The following STXBP5L variants were observed in gnomAD, a reference collection of about 807,000 sequenced individuals.
STXBP5L encodes syntaxin-binding protein 5-like.
In STXBP5L, 65 loss-of-function variants were observed where a neutral mutation model predicts 144.5. The ratio of observed to expected loss-of-function variants is 0.45; its 90% CI spans 0.37 to 0.55. The LOEUF (loss-of-function observed/expected upper bound fraction) is 0.55, where lower values mean the gene tolerates loss of function less well. Among genes scored for constraint, STXBP5L ranks in the 20% least tolerant of loss-of-function variants. The probability of loss-of-function intolerance (pLI) is 0.00; values close to 1 mark genes in which losing one functional copy is unlikely to be tolerated. For synonymous variants in STXBP5L, 505 were observed against 469.6 expected, an observed-to-expected ratio of 1.08 and a Z score of -0.97; for missense variants, 1,298 against 1,405.5, an observed-to-expected ratio of 0.92 and a Z score of 1.22.
chr3:120,919,880 A>G (rs1709277893), intron 2 of STXBP5L, among the ~76,000 whole-genome samples: 1 of 151,586 alleles, frequency 6.6e-6, no homozygotes, highest in South Asian at 2.1e-4. Context: ...ACTCCCTCTT[A>G]TTCTTTTTTC....
At chr3:121,086,275 T>A (rs1433120491) in intron 5 of STXBP5L, among the ~76,000 whole-genome samples, 1 of 152,140 alleles carries the variant, frequency 6.6e-6, no homozygotes, top group Non-Finnish European at 1.5e-5. Flanking sequence ...TTTATTCAGT[T>A]CATTATATTT....
At chr3:121,338,149 G>C (rs542416547) in intron 20 of STXBP5L, among the ~76,000 whole-genome samples, 15 of 152,160 alleles carry the variant, frequency 9.9e-5, no homozygotes, top group African/African-American at 2.9e-4. Flanking sequence ...CAAGGAACCA[G>C]AGAAGCAAGA....
intron 20 of STXBP5L, among the ~76,000 whole-genome samples, chr3:121,368,463 C>T (rs1227344471): frequency 1.3e-5 from 2 of 151,590 alleles, no homozygotes; most frequent in African/African-American, 4.9e-5. Context: ...GTAGGTCTAC[C>T]CTCAGGACTT....
rs138322179 is a variant in STXBP5L at position 120,953,055 on chromosome 3, C to A, written c.190-1885C>A. ...GCTCAAGTGATCCACCTGCCTTGACCTCCCAAAGTGCTGGGATTACAGGTG... is the reference window on the plus strand; with the variant it reads ...GCTCAAGTGATCCACCTGCCTTGACATCCCAAAGTGCTGGGATTACAGGTG... On this transcript the variant is annotated intron_variant, in intron 2 of 26. Transcript: ENST00000471454. Among the ~76,000 whole-genome samples the A allele has an allele frequency of 3.8e-3, 573 of 152,052 alleles. 4 individuals carry two copies. The highest frequency in any genetic ancestry group is 6.8e-3 in the Middle Eastern group (2 of 294).
chr3:121,063,922 T>C (rs1327079440), intron 5 of STXBP5L, among the ~76,000 whole-genome samples: 2 of 152,136 alleles, frequency 1.3e-5, no homozygotes, highest in Non-Finnish European at 2.9e-5. Context: ...CTTAGCTTGC[T>C]GTGCTCGGTG....
chr3:121,045,673 G>A, intron 5 of STXBP5L, 138 bp downstream of exon 5: 1 of 777,054 alleles, frequency 1.3e-6, no homozygotes, highest in East Asian at 2.6e-5. Context: ...TACTTTCATA[G>A]TGTTTTCTTT....
At chr3:121,039,689 GA>G (rs1947011415) in intron 3 of STXBP5L, among the ~76,000 whole-genome samples, 1 of 151,604 alleles carries the variant, frequency 6.6e-6, no homozygotes, top group South Asian at 2.1e-4. Context: ...TTTCATTTGT[GA>G]AGAAAACTTA....
intron 12 of STXBP5L, 26 bp downstream of exon 12, chr3:121,233,714 A>G: frequency 6.7e-7 from 1 of 1,488,282 alleles, no homozygotes; most frequent in Non-Finnish European, 9.2e-7. Context: ...ACAGATTAAC[A>G]CTTTTAAACT....
intron 22 of STXBP5L, among the ~76,000 whole-genome samples, chr3:121,402,705 T>A (rs1310362705): frequency 6.6e-6 from 1 of 152,218 alleles, no homozygotes; most frequent in Non-Finnish European, 1.5e-5. Flanking sequence ...CATCACTAAC[T>A]TCAAGTGGGC....
At chr3:121,066,738 G>A (rs1312296514) in intron 5 of STXBP5L, among the ~76,000 whole-genome samples, 1 of 152,018 alleles carries the variant, frequency 6.6e-6, no homozygotes, top group African/African-American at 2.4e-5. Flanking sequence ...TTTATGAAAT[G>A]AATGGGGGAT....
chr3:121,171,108 AGATGCAGAAAAGGCCTTC>A (rs1329880740), intron 9 of STXBP5L, among the ~76,000 whole-genome samples: 1 of 152,246 alleles, frequency 6.6e-6, no homozygotes, highest in Non-Finnish European at 1.5e-5. Flanking sequence ...TTTTCTCAAT[AGATGCAGAAAAGGCCTTC>A]GATGCAGAAG....
chr3:121,198,948 G>T (rs1429557860), intron 9 of STXBP5L, among the ~76,000 whole-genome samples: 1 of 152,118 alleles, frequency 6.6e-6, no homozygotes, highest in African/African-American at 2.4e-5. Context: ...TTTTTGCTTA[G>T]GAGTGTCTTA....
chr3:121,062,910 C>T (rs954456201), intron 5 of STXBP5L, among the ~76,000 whole-genome samples: 2 of 152,180 alleles, frequency 1.3e-5, no homozygotes, highest in African/African-American at 2.4e-5. Context: ...ATGCATCTGA[C>T]CTTTTTTCTA....
At chr3:121,098,924 G>C (rs114673712) in intron 5 of STXBP5L, among the ~76,000 whole-genome samples, 1 of 152,112 alleles carries the variant, frequency 6.6e-6, no homozygotes, top group Non-Finnish European at 1.5e-5. Context: ...CATTATCATG[G>C]TCCCCAGCAT....
rs2047422461 is a variant in STXBP5L, at chr3:121,424,638, T to G, written c.*5541T>G. 1.3e-5 allele frequency: 2 copies of G among 152,216 alleles called. No homozygotes were observed. The highest frequency in any genetic ancestry group is 6.5e-5 in the Admixed American group (1 of 15,278). The allele number at this position is 152,216 out of a possible 1,614,324, so 9.4% of individuals were successfully genotyped here. On this transcript the variant is annotated 3_prime_UTR_variant, in exon 27 of 27. Coordinates refer to ENST00000471454, the MANE Select transcript of STXBP5L (RefSeq NM_001308330.2). ...TGTATCTTTCTTTCATCTTCAGAAT[T>G]TTTGCATCTTTTCAGAAAATGACAA...
chr3:121,294,171 C>T (rs545871193), intron 19 of STXBP5L, among the ~76,000 whole-genome samples: 2 of 152,192 alleles, frequency 1.3e-5, no homozygotes, highest in South Asian at 2.1e-4. Context: ...CATTAGAAGG[C>T]GAGTATTGCA....
chr3:121,286,278 C>T (rs1226580001), intron 19 of STXBP5L, among the ~76,000 whole-genome samples: 1 of 151,768 alleles, frequency 6.6e-6, no homozygotes, highest in African/African-American at 2.4e-5. Flanking sequence ...GAGAACTATC[C>T]AAGAAAGGCA....
chr3:121,267,203 T>C (rs28773515), intron 18 of STXBP5L, among the ~76,000 whole-genome samples: 15,108 of 152,108 alleles, frequency 0.099, 1,181 homozygotes, highest in Admixed American at 0.2. Flanking sequence ...ATACTGGTAC[T>C]AAAACAGATA....
chr3:121,068,032 A>G (rs1256661403), intron 5 of STXBP5L, among the ~76,000 whole-genome samples: 1 of 152,214 alleles, frequency 6.6e-6, no homozygotes, highest in Non-Finnish European at 1.5e-5. Flanking sequence ...CTTTTTTGAG[A>G]CGGAGTCTCA....
Sources: gnomAD v4.1 joint callset for allele counts (sites outside exome capture counted in the v4.1 genomes callset) on GRCh38, gnomAD v4.1.1 for gene constraint, MANE v1.5 for transcripts, NCBI Gene and HGNC (gene_info 2026-07-23, HGNC 2026-07-21) for gene names.